Variants in ANO3 observed in about 807,000 individuals in gnomAD.
ANO3 encodes the protein anoctamin 3, also known as anoctamin-3.
In ANO3, 99 loss-of-function variants were observed where a neutral mutation model predicts 144.8. That is an observed-to-expected ratio of 0.68 (90% CI 0.58 to 0.81). The LOEUF is 0.81. Among genes scored for constraint, ANO3 ranks in the 30% least tolerant of loss-of-function variants. The pLI is 0.00. For missense variants in ANO3, 905 were observed against 1,202.2 expected (o/e 0.75, Z 3.66); for synonymous variants, 414 against 392.6 (o/e 1.05, Z -0.64).
intron 21 of ANO3, among the ~76,000 whole-genome samples, chr11:26,640,506 A>G (rs1853114237): frequency 6.6e-6 from 1 of 152,192 alleles, no homozygotes; most frequent in Non-Finnish European, 1.5e-5. Context: ...GAAATAGGAA[A>G]TTAGATGTCA....
At chr11:26,291,808 G>T (rs1853965335) in intron 1 of ANO3, among the ~76,000 whole-genome samples, 2 of 152,178 alleles carry the variant, frequency 1.3e-5, no homozygotes, top group African/African-American at 4.8e-5. Flanking sequence ...CCCTTTGTGG[G>T]TAACTCGACC....
At chr11:26,288,166 G>A (rs1447129293) in intron 1 of ANO3, among the ~76,000 whole-genome samples, 1 of 152,222 alleles carries the variant, frequency 6.6e-6, no homozygotes, top group Non-Finnish European at 1.5e-5. Context: ...AAGCAGGGTA[G>A]AGTGGAGAGG....
chr11:26,587,602 T>C (rs293988), intron 14 of ANO3, among the ~76,000 whole-genome samples: 133,084 of 152,150 alleles, frequency 0.87, 58,518 homozygotes, highest in East Asian at 0.96. Flanking sequence ...CATCCCATCT[T>C]CCTGCTTTCT....
intron 1 of ANO3, among the ~76,000 whole-genome samples, chr11:26,324,642 T>C (rs1854839957): frequency 6.6e-6 from 1 of 152,198 alleles, no homozygotes; most frequent in East Asian, 1.9e-4. Flanking sequence ...ATCAGATGTA[T>C]ATATAGTGAA....
At chr11:26,565,457 G>A in intron 14 of ANO3, 1 of 1,613,420 alleles carries the variant, frequency 6.2e-7, no homozygotes, top group Non-Finnish European at 8.5e-7. Context: ...GATGTGCTGA[G>A]ATGGGCAAAA....
intron 1 of ANO3, among the ~76,000 whole-genome samples, chr11:26,230,322 C>T (rs1852363984): frequency 1.3e-5 from 2 of 151,976 alleles, no homozygotes; most frequent in Non-Finnish European, 2.9e-5. Context: ...CACTTGTCAA[C>T]AAGAACAAGT....
chr11:26,628,852 C>T (rs1852676176), intron 18 of ANO3, among the ~76,000 whole-genome samples: 1 of 152,194 alleles, frequency 6.6e-6, no homozygotes, highest in Admixed American at 6.5e-5. Flanking sequence ...ATTGGGATAG[C>T]TGGTGTCTTC....
At chr11:26,242,470 C>A (rs1852683551) in intron 1 of ANO3, among the ~76,000 whole-genome samples, 1 of 152,146 alleles carries the variant, frequency 6.6e-6, no homozygotes, top group African/African-American at 2.4e-5. Flanking sequence ...TTCCATATCC[C>A]CTTTACCCAA....
chr11:26,342,989 G>C (rs543670873), intron 1 of ANO3, among the ~76,000 whole-genome samples: 1 of 152,192 alleles, frequency 6.6e-6, no homozygotes, highest in South Asian at 2.1e-4. Flanking sequence ...TTTGCAATGA[G>C]AATATTTAAT....
chr11:26,653,723 T>A (rs975733292), intron 24 of ANO3, among the ~76,000 whole-genome samples: 6 of 151,942 alleles, frequency 3.9e-5, no homozygotes, highest in African/African-American at 1.4e-4. Flanking sequence ...CATCCCCAGA[T>A]ACCCTCACGG....
At chr11:26,332,437 G>T in intron 1 of ANO3, 116 bp downstream of exon 1, 34 of 831,616 alleles carry the variant, frequency 4.1e-5, no homozygotes, top group Non-Finnish European at 5.3e-5. Flanking sequence ...GGGGAACTCT[G>T]TGAAGTTAAA....
rs1354931826 is a variant in ANO3, at chr11:26,557,864, CTTG to C, written c.1387-1850_1387-1848del. 2.0e-5 allele frequency among the ~76,000 whole-genome samples: 3 copies of C among 152,158 alleles called. No homozygotes were observed. The East Asian group carries it at 5.8e-4, about 29-fold the overall frequency. On this transcript the variant is annotated intron_variant, in intron 13 of 26. Coordinates refer to ENST00000256737, the MANE Select transcript of ANO3 (RefSeq NM_031418.4). ...CTATAACCACAGACCTCGAACTGTT[CTTG>C]TTGTCTCTATGATCTCCCACGTCAT... is the stretch of plus-strand genomic sequence containing the variant.
intron 1 of ANO3, among the ~76,000 whole-genome samples, chr11:26,388,393 G>A (rs1418064284): frequency 6.6e-6 from 1 of 151,872 alleles, no homozygotes; most frequent in Non-Finnish European, 1.5e-5. Flanking sequence ...TTACTGTCTT[G>A]GCTTTAGATT....
intron 1 of ANO3, among the ~76,000 whole-genome samples, chr11:26,347,907 G>A (rs71480120): frequency 5.9e-5 from 9 of 152,122 alleles, no homozygotes; most frequent in Non-Finnish European, 8.8e-5. Flanking sequence ...GCAAGAAAAG[G>A]GTCCTGGCCC....
At chr11:26,518,588 G>A (rs189007839) in intron 6 of ANO3, among the ~76,000 whole-genome samples, 3,326 of 151,832 alleles carry the variant, frequency 0.022, 62 homozygotes, top group Non-Finnish European at 0.035. Flanking sequence ...GATTATAGTT[G>A]AAACATGTAT....
chr11:26,258,986 T>G (rs1438807218), intron 1 of ANO3, among the ~76,000 whole-genome samples: 1 of 152,192 alleles, frequency 6.6e-6, no homozygotes, highest in Non-Finnish European at 1.5e-5. Context: ...GGAGTTTAGA[T>G]TGGGTTAACT....
At chr11:26,268,500 T>C (rs918614339) in intron 1 of ANO3, among the ~76,000 whole-genome samples, 14 of 152,066 alleles carry the variant, frequency 9.2e-5, no homozygotes, top group African/African-American at 3.4e-4. Flanking sequence ...ATGTAGGATA[T>C]GGGAATGTCA....
intron 1 of ANO3, among the ~76,000 whole-genome samples, chr11:26,280,469 C>G (rs56131609): frequency 6.6e-6 from 1 of 151,988 alleles, no homozygotes; most frequent in South Asian, 2.1e-4. Flanking sequence ...ACTTGGAGTC[C>G]GATATTCAAG....
chr11:26,399,792 A>C (rs1857102365), intron 1 of ANO3, among the ~76,000 whole-genome samples: 1 of 151,826 alleles, frequency 6.6e-6, no homozygotes. Context: ...CACATTTTAT[A>C]TTCCTCTTAC....
Sources: allele counts gnomAD v4.1 joint callset (sites outside exome capture counted in the v4.1 genomes callset), GRCh38; gene constraint gnomAD v4.1.1; transcripts MANE v1.5; gene names NCBI Gene and HGNC (gene_info 2026-07-23, HGNC 2026-07-21).